Variants in FNIP1 observed in about 807,000 individuals in gnomAD.
FNIP1 encodes folliculin interacting protein 1.
A neutral mutation model predicts 124.5 loss-of-function variants in FNIP1; 40 were observed. That is an observed-to-expected ratio of 0.32 (90% CI 0.25 to 0.42). The LOEUF (loss-of-function observed/expected upper bound fraction) is 0.42, where lower values mean the gene tolerates loss of function less well. Among genes scored for constraint, FNIP1 ranks in the 10% least tolerant of loss-of-function variants. The probability of loss-of-function intolerance (pLI) is 1.00; values close to 1 mark genes in which losing one functional copy is unlikely to be tolerated. For synonymous variants in FNIP1, 472 were observed against 470.6 expected, an observed-to-expected ratio of 1.00 and a Z score of -0.04; for missense variants, 1,176 against 1,403.7, an observed-to-expected ratio of 0.84 and a Z score of 2.59.
At chr5:131,741,379 C>G (rs1291362337) in intron 2 of FNIP1, among the ~76,000 whole-genome samples, 1 of 152,130 alleles carries the variant, frequency 6.6e-6, no homozygotes, top group Non-Finnish European at 1.5e-5. Context: ...TTTGAGCATG[C>G]AAAGTACTTT....
chr5:131,676,079 T>C (rs1292260716), intron 13 of FNIP1, among the ~76,000 whole-genome samples: 1 of 151,658 alleles, frequency 6.6e-6, no homozygotes, highest in East Asian at 1.9e-4. Context: ...TGGAGTGCAG[T>C]GGCATGATCT....
In FNIP1 at chr5:131,796,976, C is replaced by T. The variant is rs950475467; in HGVS notation, c.-55G>A. On this transcript the variant is annotated 5_prime_UTR_variant, in exon 1 of 18. Transcript: ENST00000510461. ...GCTGGGCGCTTGCTAGGCCCCTGCT[C>T]CTACAGCCGCCCCGCCACCCCCATG... 2.7e-6 allele frequency: 4 copies of T among 1,474,934 alleles called. No individual in the cohort carries two copies. The highest frequency in any genetic ancestry group is 2.1e-5 in the Admixed American group (1 of 48,156). The allele number at this position is 1,474,934 out of a possible 1,614,324, so 91.4% of individuals were successfully genotyped here.
chr5:131,777,286 TG>T (rs1771842611), intron 1 of FNIP1, among the ~76,000 whole-genome samples: 1 of 152,078 alleles, frequency 6.6e-6, no homozygotes, highest in Non-Finnish European at 1.5e-5. Flanking sequence ...AGAGAAATTT[TG>T]TATCTCTGTT....
At chr5:131,665,703 C>T (rs1767581371) in intron 15 of FNIP1, among the ~76,000 whole-genome samples, 1 of 150,520 alleles carries the variant, frequency 6.6e-6, no homozygotes, top group Non-Finnish European at 1.5e-5. Context: ...GATTGTCCTG[C>T]CTCAGCCTCC....
intron 10 of FNIP1, among the ~76,000 whole-genome samples, chr5:131,701,624 T>C (rs891725048): frequency 1.3e-5 from 2 of 152,216 alleles, no homozygotes; most frequent in Non-Finnish European, 2.9e-5. Flanking sequence ...ATAACTAACA[T>C]CTATGTCTTC....
intron 11 of FNIP1, among the ~76,000 whole-genome samples, chr5:131,696,599 TA>T (rs1413166010): frequency 2.0e-5 from 3 of 152,138 alleles, no homozygotes; most frequent in African/African-American, 7.2e-5. Context: ...ACGTTATAGA[TA>T]TTTTTACAAT....
Position 131,716,674 on chromosome 5 carries a change from A to G in FNIP1, c.531-18T>C, listed in dbSNP as rs752291716. The G allele has an allele frequency of 1.4e-6, 2 of 1,470,404 alleles. No homozygotes were observed. Among genetic ancestry groups the G allele is most frequent in the Admixed American group, 4.0e-5 (2 of 50,224 alleles). 91.1% of individuals were successfully genotyped at this position (1,470,404 alleles called of 1,614,324 possible). On this transcript the variant is annotated intron_variant, in intron 5 of 17. Transcript: ENST00000510461. ...CTTGTAGCCTATGGAGGGTGAGAAG[A>G]AAATTAATTCCAAATTCATTTTATG...
chr5:131,784,255 T>A (rs144677146), intron 1 of FNIP1, among the ~76,000 whole-genome samples: 1 of 152,108 alleles, frequency 6.6e-6, no homozygotes, highest in African/African-American at 2.4e-5. Context: ...TTGAAGGATA[T>A]AGAAATACTA....
intron 6 of FNIP1, among the ~76,000 whole-genome samples, chr5:131,711,763 T>A (rs1452891705): frequency 2.0e-5 from 3 of 152,336 alleles, no homozygotes; most frequent in South Asian, 4.1e-4. Flanking sequence ...CCTAAAGTGT[T>A]GAAATTACAG....
intron 13 of FNIP1, 119 bp from the exon 14 acceptor site, chr5:131,673,043 GT>G: frequency 3.3e-6 from 2 of 611,240 alleles, no homozygotes; most frequent in Non-Finnish European, 5.1e-6. Context: ...GGTTTTACTC[GT>G]TTTTTTGTTT....
chr5:131,786,494 G>T (rs1483171513), intron 1 of FNIP1, among the ~76,000 whole-genome samples: 2 of 152,180 alleles, frequency 1.3e-5, no homozygotes, highest in East Asian at 3.8e-4. Context: ...ACATCAAATG[G>T]TCCTAATTAG....
At chr5:131,744,434 A>G in intron 2 of FNIP1, 130 bp downstream of exon 2, 2 of 881,236 alleles carry the variant, frequency 2.3e-6, no homozygotes, top group Non-Finnish European at 3.3e-6. Context: ...TTCACCAAAC[A>G]TTTCCTTCTC....
intron 11 of FNIP1, among the ~76,000 whole-genome samples, chr5:131,680,178 A>AT (rs768249316): frequency 2.4e-4 from 37 of 152,308 alleles, no homozygotes; most frequent in African/African-American, 6.7e-4. Context: ...GACGGCTGAG[A>AT]TTTTATTGTG....
chr5:131,718,279 T>C (rs1317245641), intron 5 of FNIP1, among the ~76,000 whole-genome samples: 5 of 152,184 alleles, frequency 3.3e-5, no homozygotes. Context: ...CAAACAGGTC[T>C]TTTTAAGGCA....
At chr5:131,763,823 C>T (rs1293533037) in intron 1 of FNIP1, among the ~76,000 whole-genome samples, 1 of 152,176 alleles carries the variant, frequency 6.6e-6, no homozygotes, top group African/African-American at 2.4e-5. Flanking sequence ...TCAATTGAAA[C>T]AACTGCGAGC....
chr5:131,762,383 G>T (rs1771261087), intron 1 of FNIP1, among the ~76,000 whole-genome samples: 1 of 152,050 alleles, frequency 6.6e-6, no homozygotes, highest in African/African-American at 2.4e-5. Context: ...TGTATAAGGA[G>T]CTCGAACAAC....
intron 15 of FNIP1, among the ~76,000 whole-genome samples, chr5:131,652,593 G>A (rs926705382): frequency 3.3e-5 from 5 of 152,126 alleles, no homozygotes; most frequent in East Asian, 1.9e-4. Context: ...CACCCACCTC[G>A]GCCTCCCAAA....
rs1220191819 is a variant in FNIP1 at position 131,718,373 on chromosome 5, G to A, written c.530+613C>T. ...CTTTGACCTTGGGTTACCCCCAGGG[G>A]CTCTGACTAGCCAATGAGTCTTGCT... On this transcript the variant is annotated intron_variant, in intron 5 of 17. Transcript: ENST00000510461. Among the ~76,000 whole-genome samples the A allele has an allele frequency of 3.3e-5, 5 of 152,236 alleles. No individual in the cohort carries two copies. In the South Asian group the frequency reaches 6.2e-4, roughly 19 times the overall value.
At chr5:131,751,187 A>G (rs2108869) in intron 1 of FNIP1, among the ~76,000 whole-genome samples, 119,165 of 151,948 alleles carry the variant, frequency 0.78, 46,969 homozygotes, top group African/African-American at 0.83. Flanking sequence ...TATCAATTCC[A>G]TGCCTTTGTA....
Sources: gnomAD v4.1 joint callset for allele counts (sites outside exome capture counted in the v4.1 genomes callset) on GRCh38, gnomAD v4.1.1 for gene constraint, MANE v1.5 for transcripts, NCBI Gene and HGNC (gene_info 2026-07-23, HGNC 2026-07-21) for gene names.